The following SLC45A4 variants were observed in gnomAD, a reference collection of about 807,000 sequenced individuals.
SLC45A4 encodes polyamine-transporter SLC45A4.
Under a neutral mutation model 63.7 loss-of-function variants are expected in SLC45A4, and 32 were observed. The ratio of observed to expected loss-of-function variants is 0.50; its 90% CI spans 0.38 to 0.67. The LOEUF is 0.67. Ranked by LOEUF, SLC45A4 falls within the 30% of genes least tolerant of loss-of-function variation. SLC45A4 has a pLI of 0.00. For missense variants in SLC45A4, 1,027 were observed against 1,157.7 expected (o/e 0.89, Z 1.64); for synonymous variants, 535 against 510.0 (o/e 1.05, Z -0.66).
intron 2 of SLC45A4, among the ~76,000 whole-genome samples, chr8:141,253,664 T>C (rs963218202): frequency 2.0e-5 from 3 of 152,240 alleles, no homozygotes; most frequent in Non-Finnish European, 2.9e-5. Context: ...CGTTGTTCAC[T>C]GTGGCCTGGC....
At position 141,219,750 on chromosome 8, in the gene SLC45A4, G is replaced by C; in HGVS notation, c.510C>G (p.Phe170Leu). 6.2e-7 allele frequency: 1 copy of C among 1,603,492 alleles called. No individual in the cohort carries two copies. The highest frequency in any genetic ancestry group is 8.5e-7 in the Non-Finnish European group (1 of 1,175,518). ...TGGGCCCCTCGGTGGCATCGGCGCT[G>C]AAGTCCAGGACCACCACTCCCAGCA... ...LTVLGVVVLD[F>L]SADATEGPIR... is the part of the protein sequence containing the mutation. Residue 170 changes from phenylalanine to leucine, a missense_variant, in exon 4 of 9, where the codon TTC (phenylalanine) becomes TTG (leucine). Phe to Leu is a conservative substitution (Grantham distance 22). Transcript: ENST00000517878.
chr8:141,274,635 T>A (rs1225294182), intron 1 of SLC45A4, among the ~76,000 whole-genome samples: 1 of 151,242 alleles, frequency 6.6e-6, no homozygotes, highest in Non-Finnish European at 1.5e-5. Context: ...TAAGACCAAG[T>A]AAACAACAAA....
intron 2 of SLC45A4, among the ~76,000 whole-genome samples, chr8:141,247,344 T>A (rs1489898554): frequency 1.7e-5 from 2 of 116,876 alleles, no homozygotes; most frequent in Non-Finnish European, 4.3e-5. Context: ...TGAAATACTT[T>A]AAGTATGTGA....
intron 2 of SLC45A4, among the ~76,000 whole-genome samples, chr8:141,233,044 C>A (rs754029791): frequency 6.6e-6 from 1 of 152,222 alleles, no homozygotes; most frequent in Non-Finnish European, 1.5e-5. Flanking sequence ...CACACCAAGG[C>A]GAAAGGGAGT....
Position 141,218,667 on chromosome 8 carries a change from G to T in SLC45A4, c.973C>A (p.Leu325Met), listed in dbSNP as rs1424672115. The change falls in exon 5 of 9, where the codon CTG (leucine) becomes ATG (methionine). Residue 325 changes from leucine (L) to methionine (M), a missense_variant. Transcript: ENST00000517878. ...GAGGGCTCGATGTCGTGCAGGAACA[G>T]CAGCTCGGGCTCCAGGTCCAGCGCG... ...DTALDLEPEL[L>M]FLHDIEPSIF... The T allele has an allele frequency of 6.2e-7, 1 of 1,613,354 alleles. No homozygotes were observed. Among genetic ancestry groups the T allele is most frequent in the African/African-American group, 1.3e-5 (1 of 75,056 alleles).
chr8:141,233,138 G>A (rs568463591), intron 2 of SLC45A4, among the ~76,000 whole-genome samples: 35 of 152,358 alleles, frequency 2.3e-4, no homozygotes, highest in South Asian at 1.2e-3. Flanking sequence ...CAATGGATGT[G>A]TTAACGGCCA....
chr8:141,236,663 T>C (rs1827639424), intron 2 of SLC45A4, among the ~76,000 whole-genome samples: 1 of 152,266 alleles, frequency 6.6e-6, no homozygotes, highest in Admixed American at 6.5e-5. Flanking sequence ...ACACCTTGTA[T>C]ACTGATTGCT....
chr8:141,266,445 T>A (rs952905926), intron 1 of SLC45A4, among the ~76,000 whole-genome samples: 1 of 152,156 alleles, frequency 6.6e-6, no homozygotes, highest in Non-Finnish European at 1.5e-5. Flanking sequence ...GTTCAATCTT[T>A]ACCAATGCAG....
chr8:141,232,918 A>G (rs1827437358), intron 2 of SLC45A4, among the ~76,000 whole-genome samples: 1 of 152,234 alleles, frequency 6.6e-6, no homozygotes, highest in Admixed American at 6.5e-5. Context: ...TCCATGGTGT[A>G]GATGCTACCA....
At chr8:141,239,627 G>A (rs529355529) in intron 2 of SLC45A4, among the ~76,000 whole-genome samples, 12 of 152,238 alleles carry the variant, frequency 7.9e-5, no homozygotes, top group African/African-American at 2.6e-4. Context: ...ATCATGAGGT[G>A]CATTTTCACC....
intron 1 of SLC45A4, among the ~76,000 whole-genome samples, chr8:141,298,172 C>T (rs1830628926): frequency 6.6e-6 from 1 of 152,246 alleles, no homozygotes; most frequent in Non-Finnish European, 1.5e-5. Context: ...TAGTGAGAGT[C>T]AACAGAATTG....
intron 2 of SLC45A4, among the ~76,000 whole-genome samples, chr8:141,234,113 C>T (rs1018813693): frequency 6.6e-6 from 1 of 152,246 alleles, no homozygotes; most frequent in Non-Finnish European, 1.5e-5. Flanking sequence ...GGGCCTGCAT[C>T]GCTCACCTGA....
rs766366546 is a variant in SLC45A4 at position 141,218,979 on chromosome 8, T to C, written c.661A>G (p.Thr221Ala). 2 of 1,613,212 alleles carry C rather than the reference T, an allele frequency of 1.2e-6. No individual in the cohort carries two copies. Among genetic ancestry groups the C allele is most frequent in the Non-Finnish European group, 1.7e-6 (2 of 1,179,876 alleles). Reference sequence around the variant, plus strand: ...GTCCGGAACCAGCTGCCCAGGAAGGTCTGGGTCCAGTCCAGCCCACCCAGC... The same window carrying C: ...GTCCGGAACCAGCTGCCCAGGAAGGCCTGGGTCCAGTCCAGCCCACCCAGC... Reference protein sequence around the residue: ...YVLGGLDWTQTFLGSWFRTQN... With the variant: ...YVLGGLDWTQAFLGSWFRTQN... The change falls in exon 5 of 9, where the codon ACC becomes GCC. Residue 221 changes from threonine to alanine, a missense_variant. Thr to Ala is a moderately conservative substitution (Grantham distance 58, BLOSUM62 0). Coordinates refer to ENST00000517878, the MANE Select transcript of SLC45A4 (RefSeq NM_001286646.2).
chr8:141,217,045 A>G (rs377693896), intron 6 of SLC45A4, 45 bp downstream of exon 6: 8 of 1,582,890 alleles, frequency 5.1e-6, no homozygotes, highest in Non-Finnish European at 6.9e-6. Context: ...CTAATCACTG[A>G]GTTTTCTGGG....
intron 2 of SLC45A4, among the ~76,000 whole-genome samples, chr8:141,248,307 C>T (rs114293305): frequency 0.012 from 1,840 of 152,312 alleles, 35 homozygotes; most frequent in African/African-American, 0.042. Flanking sequence ...CAGTGGCTCA[C>T]GCCTATAGCC....
chr8:141,266,319 G>A (rs1829263416), intron 1 of SLC45A4, among the ~76,000 whole-genome samples: 1 of 152,188 alleles, frequency 6.6e-6, no homozygotes, highest in Non-Finnish European at 1.5e-5. Flanking sequence ...ATGCTGATGA[G>A]GGCCGGCTCA....
intron 1 of SLC45A4, among the ~76,000 whole-genome samples, chr8:141,272,047 AAC>A (rs1377207417): frequency 8.5e-5 from 13 of 152,158 alleles, no homozygotes; most frequent in African/African-American, 2.2e-4. Context: ...ACACGTGTGC[AAC>A]ACACACCTGC....
chr8:141,263,378 TAAAAAAAGAAGAAG>T (rs942098956), intron 1 of SLC45A4, among the ~76,000 whole-genome samples: 2 of 125,190 alleles, frequency 1.6e-5, no homozygotes, highest in Admixed American at 8.2e-5. Flanking sequence ...AATAAAATTT[TAAAAAAAGAAGAAG>T]AAAAAAGAAA....
At chr8:141,274,563 G>A (rs1829661057) in intron 1 of SLC45A4, among the ~76,000 whole-genome samples, 2 of 146,618 alleles carry the variant, frequency 1.4e-5, no homozygotes, top group African/African-American at 2.5e-5. Flanking sequence ...AAAGTGAAAT[G>A]TGGGTGAATG....
Sources: allele counts gnomAD v4.1 joint callset (sites outside exome capture counted in the v4.1 genomes callset), GRCh38; gene constraint gnomAD v4.1.1; transcripts MANE v1.5; gene names NCBI Gene and HGNC (gene_info 2026-07-23, HGNC 2026-07-21).